TTLL7: variants seen among roughly 807,000 people sequenced by gnomAD.
TTLL7 encodes the protein tubulin tyrosine ligase like 7, also known as tubulin polyglutamylase TTLL7.
In TTLL7, 53 loss-of-function variants were observed where a neutral mutation model predicts 120.2. The ratio of observed to expected loss-of-function variants is 0.44; its 90% CI spans 0.35 to 0.55. TTLL7 has a LOEUF of 0.55. Among genes scored for constraint, TTLL7 ranks in the 20% least tolerant of loss-of-function variants. The probability of loss-of-function intolerance (pLI) is 0.00; values close to 1 mark genes in which losing one functional copy is unlikely to be tolerated. For synonymous variants in TTLL7, 353 were observed against 351.7 expected, an observed-to-expected ratio of 1.00 and a Z score of -0.04; for missense variants, 803 against 1,054.7, an observed-to-expected ratio of 0.76 and a Z score of 3.31.
intron 8 of TTLL7, 43 bp from the exon 9 acceptor site, chr1:83,933,809 C>T (rs368530978): frequency 1.0e-5 from 16 of 1,573,566 alleles, no homozygotes; most frequent in Non-Finnish European, 1.3e-5. Flanking sequence ...CTTTGTATCT[C>T]ATTTCATATG....
At chr1:83,900,067 C>A in intron 18 of TTLL7, 1 of 365,544 alleles carries the variant, frequency 2.7e-6, no homozygotes, top group East Asian at 8.5e-5. Flanking sequence ...TCTTCCAATT[C>A]ACAAATATTA....
At chr1:83,874,412 T>C (rs966932664) in intron 20 of TTLL7, among the ~76,000 whole-genome samples, 39 of 152,072 alleles carry the variant, frequency 2.6e-4, no homozygotes, top group Admixed American at 1.2e-3. Context: ...GCTATTGTCT[T>C]ATAAATAATG....
chr1:83,980,959 G>A (rs1183244706), intron 1 of TTLL7: 3 of 151,744 alleles, frequency 2.0e-5, no homozygotes, highest in African/African-American at 7.3e-5. Flanking sequence ...AATACCAGGG[G>A]AACCACTAAG....
At chr1:83,871,473 C>T (rs1653388602) in intron 20 of TTLL7, among the ~76,000 whole-genome samples, 1 of 152,228 alleles carries the variant, frequency 6.6e-6, no homozygotes. Context: ...GCTATAAAAT[C>T]AGGATAAAGA....
chr1:83,923,199 A>G (rs1456170402), intron 10 of TTLL7, among the ~76,000 whole-genome samples: 1 of 140,028 alleles, frequency 7.1e-6, no homozygotes, highest in East Asian at 1.9e-4. Context: ...ATCATATACC[A>G]ATGAATATAT....
At chr1:83,896,297 T>C (rs769090674) in intron 18 of TTLL7, among the ~76,000 whole-genome samples, 2 of 152,052 alleles carry the variant, frequency 1.3e-5, no homozygotes, top group Non-Finnish European at 2.9e-5. Flanking sequence ...AAAAAACAAA[T>C]GGGAGATTCA....
At chr1:83,966,732 T>G (rs978421985) in intron 1 of TTLL7, among the ~76,000 whole-genome samples, 2 of 152,128 alleles carry the variant, frequency 1.3e-5, no homozygotes, top group Non-Finnish European at 2.9e-5. Flanking sequence ...TTTTTAACAT[T>G]TAAAAACCTA....
chr1:83,928,095 A>G (rs1659287850), intron 10 of TTLL7, among the ~76,000 whole-genome samples: 1 of 152,154 alleles, frequency 6.6e-6, no homozygotes, highest in African/African-American at 2.4e-5. Flanking sequence ...ACACCAGAAC[A>G]CCCACAGATA....
intron 17 of TTLL7, 49 bp downstream of exon 17, chr1:83,906,280 A>C: frequency 6.9e-7 from 1 of 1,459,610 alleles, no homozygotes; most frequent in Non-Finnish European, 9.4e-7. Context: ...TTTTAAGAAG[A>C]ATAAAAAGGT....
chr1:83,865,928 C>A lies in TTLL7; in HGVS notation c.*4034G>T, dbSNP rs949567121. ...CAAAATTGTCATCATGAATATATTTCTAAATTTTTATTTATTTATAAGTCA... is the reference window on the plus strand; with the variant it reads ...CAAAATTGTCATCATGAATATATTTATAAATTTTTATTTATTTATAAGTCA... On this transcript the variant is annotated 3_prime_UTR_variant, in exon 21 of 21. Coordinates refer to ENST00000260505, the MANE Select transcript of TTLL7 (RefSeq NM_024686.6). 2 of 151,766 alleles carry A rather than the reference C, an allele frequency of 1.3e-5. No homozygotes were observed. The highest frequency in any genetic ancestry group is 1.3e-4 in the Admixed American group (2 of 15,238). 9.4% of individuals were successfully genotyped at this position (151,766 alleles called of 1,614,324 possible). A position where few individuals can be genotyped will look rare whatever the true frequency, so the allele number is the denominator to read the frequency against.
At chr1:83,870,500 G>C (rs1468535459) in intron 20 of TTLL7, among the ~76,000 whole-genome samples, 1 of 152,166 alleles carries the variant, frequency 6.6e-6, no homozygotes, top group African/African-American at 2.4e-5. Context: ...TTTAATAATA[G>C]ATCATTAACG....
rs1657310761 is a variant in TTLL7 at position 83,907,608 on chromosome 1, A to G, written c.1840T>C (p.Ser614Pro). 6.2e-7 allele frequency: 1 copy of G among 1,613,098 alleles called. No individual in the cohort carries two copies. The highest frequency in any genetic ancestry group is 1.3e-5 in the African/African-American group (1 of 74,860). ...CPRSISAQSP[S>P]SGDTRPFSAQ... The stretch of plus-strand genomic sequence containing the variant: ...GAAAATGGGCGGGTGTCCCCACTGG[A>G]AGGTGATTGAGCAGAGATGGACCGA... Residue 614 changes from serine to proline, a missense_variant, in exon 16 of 21, where the codon TCC (serine) becomes CCC (proline). Physicochemically the swap from Ser to Pro is moderately conservative, Grantham distance 74. Transcript: ENST00000260505.
intron 1 of TTLL7, among the ~76,000 whole-genome samples, chr1:83,990,927 C>A (rs1269561794): frequency 6.6e-6 from 1 of 152,142 alleles, no homozygotes; most frequent in East Asian, 1.9e-4. Flanking sequence ...TCACAACAGC[C>A]AACAGGTGGA....
Position 83,904,003 on chromosome 1 carries a change from T to G in TTLL7, c.2208+76A>C, listed in dbSNP as rs956003242. On this transcript the variant is annotated intron_variant, in intron 18 of 20. Coordinates refer to ENST00000260505, the MANE Select transcript of TTLL7 (RefSeq NM_024686.6). ...AACAAATGAGCAAATATACAGTCTG[T>G]CTATGAATTTGGCTTAATGATCCTA... 1.3e-5 allele frequency: 14 copies of G among 1,068,902 alleles called. No individual in the cohort carries two copies. The East Asian group carries it at 2.9e-4, about 22-fold the overall frequency. The allele number at this position is 1,068,902 out of a possible 1,614,324, so 66.2% of individuals were successfully genotyped here.
intron 18 of TTLL7, among the ~76,000 whole-genome samples, chr1:83,892,742 G>GCGCATATGTGAACATATATATGAA (rs1553129270): frequency 2.9e-4 from 35 of 120,706 alleles, no homozygotes; most frequent in Admixed American, 5.1e-4. Context: ...ATATATATGA[G>GCGCATATGTGAACATATATATGAA]CGCATATGTG....
At chr1:83,881,682 A>C (rs1474893372) in intron 20 of TTLL7, among the ~76,000 whole-genome samples, 242 of 151,810 alleles carry the variant, frequency 1.6e-3, no homozygotes, top group Admixed American at 6.4e-3. Flanking sequence ...CAGTGTGGCG[A>C]TTCCTCAGGG....
At chr1:83,995,585 A>T (rs6670658) in intron 1 of TTLL7, among the ~76,000 whole-genome samples, 1 of 151,644 alleles carries the variant, frequency 6.6e-6, no homozygotes, top group Non-Finnish European at 1.5e-5. Flanking sequence ...AGCCTGCAGA[A>T]CTGTGAGCCA....
Position 83,908,348 on chromosome 1 carries a change from A to G in TTLL7, c.1787-687T>C, listed in dbSNP as rs574751862. ...ATGAGAAAAAAAACAGTAATAAAAC[A>G]AAAGAAAAATATGCAGATTATCCTA... On this transcript the variant is annotated intron_variant, in intron 15 of 20. Transcript: ENST00000260505. 1.9e-4 allele frequency among the ~76,000 whole-genome samples: 29 copies of G among 152,238 alleles called. No homozygotes were observed. The South Asian group carries it at 3.9e-3, about 21-fold the overall frequency.
chr1:83,911,147 T>C lies in TTLL7; in HGVS notation c.1786+18A>G. 1 of 1,580,544 alleles carries C rather than the reference T, an allele frequency of 6.3e-7. No homozygotes were observed. The highest frequency in any genetic ancestry group is 8.7e-7 in the Non-Finnish European group (1 of 1,153,098). ...ATAATTCTTTATATAACATCTAAAT[T>C]AGAAGAAATTGACTTACTGGGTTGT... is the stretch of plus-strand genomic sequence containing the variant. On this transcript the variant is annotated intron_variant, in intron 15 of 20. Transcript: ENST00000260505.
Sources: allele counts gnomAD v4.1 joint callset (sites outside exome capture counted in the v4.1 genomes callset), GRCh38; gene constraint gnomAD v4.1.1; transcripts MANE v1.5; gene names NCBI Gene and HGNC (gene_info 2026-07-23, HGNC 2026-07-21).